Variants in RPH3A observed in about 807,000 individuals in gnomAD.
RPH3A encodes the protein rabphilin-3A.
In RPH3A, 48 loss-of-function variants were observed where a neutral mutation model predicts 102.2. The observed-to-expected ratio is 0.47, with a 90% CI of 0.37 to 0.60. The LOEUF (loss-of-function observed/expected upper bound fraction) is 0.60, where lower values mean the gene tolerates loss of function less well. RPH3A is among the 20% of genes least tolerant of loss of function. The pLI is 0.00. For synonymous variants in RPH3A, 310 were observed against 324.3 expected (o/e 0.96, Z 0.47); for missense variants, 781 against 910.1 (o/e 0.86, Z 1.83).
chr12:112,618,562 C>T (rs906716209), intron 1 of RPH3A, among the ~76,000 whole-genome samples: 17 of 151,958 alleles, frequency 1.1e-4, no homozygotes, highest in Admixed American at 1.1e-3. Flanking sequence ...CAAGAGGAAC[C>T]CTGGGGAATT....
intron 1 of RPH3A, among the ~76,000 whole-genome samples, chr12:112,707,371 C>T (rs950058350): frequency 4.6e-5 from 7 of 152,134 alleles, no homozygotes; most frequent in African/African-American, 1.7e-4. Flanking sequence ...TACATTCTGC[C>T]ATTGACTTCT....
chr12:112,833,736 T>G (rs905701692), intron 3 of RPH3A, among the ~76,000 whole-genome samples: 3 of 152,190 alleles, frequency 2.0e-5, no homozygotes, highest in African/African-American at 7.2e-5. Flanking sequence ...TCATGTTTTT[T>G]TTTTTTTTTT....
At chr12:112,661,595 T>C (rs1180147070) in intron 1 of RPH3A, among the ~76,000 whole-genome samples, 1 of 152,208 alleles carries the variant, frequency 6.6e-6, no homozygotes, top group Non-Finnish European at 1.5e-5. Context: ...TCTATACATA[T>C]GGAAGGGATC....
intron 1 of RPH3A, among the ~76,000 whole-genome samples, chr12:112,689,352 C>T (rs536279807): frequency 4.0e-4 from 61 of 152,258 alleles, no homozygotes; most frequent in Admixed American, 1.0e-3. Context: ...TCAGATTTTT[C>T]AAGAGAAACT....
At chr12:112,761,467 T>C (rs1373944179) in intron 1 of RPH3A, among the ~76,000 whole-genome samples, 1 of 152,258 alleles carries the variant, frequency 6.6e-6, no homozygotes, top group Non-Finnish European at 1.5e-5. Context: ...GTGTGAGCCC[T>C]GTTCATTGGG....
intron 1 of RPH3A, among the ~76,000 whole-genome samples, chr12:112,709,590 C>A (rs531248954): frequency 6.6e-6 from 1 of 151,842 alleles, no homozygotes; most frequent in South Asian, 2.1e-4. Context: ...AGGTGCTGTG[C>A]ATGCTATGCA....
chr12:112,664,313 C>A (rs1241918146), intron 1 of RPH3A, among the ~76,000 whole-genome samples: 1 of 152,034 alleles, frequency 6.6e-6, no homozygotes, highest in Non-Finnish European at 1.5e-5. Flanking sequence ...GTCATGAAGG[C>A]AATGGGGATA....
At chr12:112,761,115 CTT>C (rs2040852418) in intron 1 of RPH3A, among the ~76,000 whole-genome samples, 1 of 152,156 alleles carries the variant, frequency 6.6e-6, no homozygotes, top group Non-Finnish European at 1.5e-5. Context: ...AGCATTGACA[CTT>C]ATATGCCCTG....
intron 2 of RPH3A, among the ~76,000 whole-genome samples, chr12:112,815,345 C>T (rs901926280): frequency 2.0e-5 from 3 of 152,168 alleles, no homozygotes; most frequent in Non-Finnish European, 4.4e-5. Flanking sequence ...ATATGTTTAA[C>T]CCAACAAATA....
At chr12:112,725,319 G>A (rs892860494) in intron 1 of RPH3A, among the ~76,000 whole-genome samples, 4 of 151,416 alleles carry the variant, frequency 2.6e-5, no homozygotes, top group African/African-American at 9.7e-5. Context: ...CTTTTGAGGG[G>A]GCACTTTCCC....
At position 112,867,952 on chromosome 12, in the gene RPH3A, G is replaced by A. The variant is rs183126372; in HGVS notation, c.445-478G>A. On this transcript the variant is annotated intron_variant, in intron 7 of 21. Coordinates refer to ENST00000389385, the MANE Select transcript of RPH3A (RefSeq NM_001143854.2). ...GAGCAGGGTGGAGAATGAATCTGAC[G>A]GGGCAATGGAAGATGTTTCACACAC... Among the ~76,000 whole-genome samples, 18 of 152,284 alleles carry A rather than the reference G, an allele frequency of 1.2e-4. No homozygotes were observed. The East Asian group carries it at 1.4e-3, about 11-fold the overall frequency.
At chr12:112,793,811 G>T (rs2041173922) in intron 2 of RPH3A, among the ~76,000 whole-genome samples, 1 of 152,082 alleles carries the variant, frequency 6.6e-6, no homozygotes, top group Non-Finnish European at 1.5e-5. Flanking sequence ...ATCTTAGGGG[G>T]CCCCTGCTGT....
At chr12:112,588,184 C>T (rs1441342575) in intron 1 of RPH3A, among the ~76,000 whole-genome samples, 2 of 152,114 alleles carry the variant, frequency 1.3e-5, no homozygotes, top group Non-Finnish European at 2.9e-5. Context: ...TGAACAAAAA[C>T]AATCTTTTTA....
Position 112,817,700 on chromosome 12 carries a change from T to A in RPH3A, c.-18-10601T>A, listed in dbSNP as rs550408032. Among the ~76,000 whole-genome samples the A allele has an allele frequency of 1.3e-3, 194 of 152,298 alleles. 1 individual carries two copies. The highest frequency in any genetic ancestry group is 2.0e-3 in the Non-Finnish European group (138 of 68,018). On this transcript the variant is annotated intron_variant, in intron 2 of 21. Transcript: ENST00000389385. The stretch of plus-strand genomic sequence containing the variant: ...TCTTATTAAGTAGTTAGTTTTGCTT[T>A]TAATTAGTGTTGTTTATTGTCACTG...
intron 2 of RPH3A, among the ~76,000 whole-genome samples, chr12:112,801,333 G>A (rs1302916055): frequency 6.6e-6 from 1 of 152,252 alleles, no homozygotes; most frequent in Non-Finnish European, 1.5e-5. Flanking sequence ...TCATCACACA[G>A]AGCATGCAGC....
chr12:112,817,151 A>G (rs113399204), intron 2 of RPH3A, among the ~76,000 whole-genome samples: 6,953 of 152,140 alleles, frequency 0.046, 516 homozygotes, highest in African/African-American at 0.16. Context: ...TGGATCTTCA[A>G]ATGGAAGTTG....
Position 112,896,964 on chromosome 12 carries a change from T to A in RPH3A, c.*184T>A. ...CCAAAGACTCCCTCCTCCCTGATGC[T>A]GGGATGTGGGCTCTGAATACAGCCC... On this transcript the variant is annotated 3_prime_UTR_variant, in exon 22 of 22. Transcript: ENST00000389385. 1.7e-6 allele frequency: 1 copy of A among 602,968 alleles called. No homozygotes were observed. The highest frequency in any genetic ancestry group is 2.9e-6 in the Non-Finnish European group (1 of 344,902). 37.4% of individuals were successfully genotyped at this position (602,968 alleles called of 1,614,324 possible). A position where few individuals can be genotyped will look rare whatever the true frequency, so the allele number is the denominator to read the frequency against.
rs748807513 is a variant in RPH3A at position 112,890,055 on chromosome 12, G to A, written c.1595G>A (p.Arg532Gln). 5.0e-6 allele frequency: 8 copies of A among 1,613,732 alleles called. No homozygotes were observed. The highest frequency in any genetic ancestry group is 2.2e-5 in the South Asian group (2 of 91,082). Reference protein sequence around the residue: ...MKRAGTTGSARGMALYEEEQV... With the variant: ...MKRAGTTGSAQGMALYEEEQV... ...CGTGCTGGGACCACCGGGTCAGCCC[G>A]AGGCATGGCCCTTTATGAGGAAGAG... Residue 532 changes from arginine to glutamine, a missense_variant, in exon 18 of 22, where the codon CGA becomes CAA. Physicochemically the swap from Arg to Gln is conservative, Grantham distance 43. This residue lies in a region of RPH3A where 730 missense variants were observed against 810.0 expected (regional missense o/e 0.90). Coordinates refer to ENST00000389385, the MANE Select transcript of RPH3A (RefSeq NM_001143854.2).
chr12:112,866,098 T>C (rs2042607534), intron 6 of RPH3A, among the ~76,000 whole-genome samples: 1 of 152,216 alleles, frequency 6.6e-6, no homozygotes, highest in African/African-American at 2.4e-5. Flanking sequence ...ACAACTGTCC[T>C]GGGGTCTGCC....
Sources: allele counts gnomAD v4.1 joint callset (sites outside exome capture counted in the v4.1 genomes callset), GRCh38; gene constraint gnomAD v4.1.1; regional missense constraint gnomAD v4.1.1; transcripts MANE v1.5; gene names NCBI Gene and HGNC (gene_info 2026-07-23, HGNC 2026-07-21).